IQGAP2: variants seen among roughly 807,000 people sequenced by gnomAD.
IQGAP2 encodes the protein IQ motif containing GTPase activating protein 2, also known as ras GTPase-activating-like protein IQGAP2.
IQGAP2 carries 173 observed loss-of-function variants against 201.3 expected under a neutral mutation model. The observed-to-expected ratio is 0.86, with a 90% CI of 0.76 to 0.98. The LOEUF (loss-of-function observed/expected upper bound fraction) is 0.98, where lower values mean the gene tolerates loss of function less well. Among genes scored for constraint, IQGAP2 ranks in the 50% least tolerant of loss-of-function variants. The pLI is 0.00. For missense variants in IQGAP2, 1,687 were observed against 1,864.8 expected, an observed-to-expected ratio of 0.90 and a Z score of 1.76; for synonymous variants, 675 against 673.9, an observed-to-expected ratio of 1.00 and a Z score of -0.03.
chr5:76,696,132 A>G (rs764282339), intron 32 of IQGAP2, among the ~76,000 whole-genome samples: 12 of 152,188 alleles, frequency 7.9e-5, no homozygotes, highest in African/African-American at 1.7e-4. Context: ...CAATCACAAC[A>G]CTTTCATGTC....
Position 76,707,812 on chromosome 5 carries a change from A to G in IQGAP2, c.*499A>G, listed in dbSNP as rs573990468. On this transcript the variant is annotated 3_prime_UTR_variant, in exon 36 of 36. Coordinates refer to ENST00000274364, the MANE Select transcript of IQGAP2 (RefSeq NM_006633.5). The stretch of plus-strand genomic sequence containing the variant: ...TAAAGAGAACTTTTGTGCAATTCAA[A>G]TGAAGTTTTTATAAGTAATTGAAAA... The G allele has an allele frequency of 6.5e-6, 1 of 152,894 alleles. No individual in the cohort carries two copies. Among genetic ancestry groups the G allele is most frequent in the South Asian group, 2.1e-4 (1 of 4,836 alleles). The allele number at this position is 152,894 out of a possible 1,614,324, so 9.5% of individuals were successfully genotyped here. A position where few individuals can be genotyped will look rare whatever the true frequency, so the allele number is the denominator to read the frequency against.
chr5:76,530,404 T>C (rs934982443), intron 2 of IQGAP2, among the ~76,000 whole-genome samples: 3 of 152,228 alleles, frequency 2.0e-5, no homozygotes, highest in Non-Finnish European at 4.4e-5. Context: ...CAGCGTTTTC[T>C]TGGCAACTGA....
chr5:76,561,806 T>A (rs571710306), intron 2 of IQGAP2, among the ~76,000 whole-genome samples: 2 of 152,322 alleles, frequency 1.3e-5, no homozygotes, highest in South Asian at 4.1e-4. Context: ...GTACGGTGTC[T>A]TCCCAAAAAA....
At chr5:76,674,127 T>A in intron 26 of IQGAP2, 91 bp downstream of exon 26, 2 of 742,998 alleles carry the variant, frequency 2.7e-6, no homozygotes, top group Non-Finnish European at 2.4e-6. Context: ...ATTCCCCATG[T>A]ATGATTATTT....
chr5:76,536,524 C>T (rs1176110071), intron 2 of IQGAP2, among the ~76,000 whole-genome samples: 1 of 151,778 alleles, frequency 6.6e-6, no homozygotes, highest in Non-Finnish European at 1.5e-5. Flanking sequence ...CTTTGGGAGG[C>T]CAAGGTGGGT....
At chr5:76,492,233 A>G (rs1257837831) in intron 2 of IQGAP2, among the ~76,000 whole-genome samples, 1 of 152,192 alleles carries the variant, frequency 6.6e-6, no homozygotes, top group Non-Finnish European at 1.5e-5. Flanking sequence ...TGCTAGGCAG[A>G]GGAGTTGTGA....
At chr5:76,417,739 C>G (rs544747808) in intron 1 of IQGAP2, among the ~76,000 whole-genome samples, 1 of 151,790 alleles carries the variant, frequency 6.6e-6, no homozygotes, top group African/African-American at 2.4e-5. Flanking sequence ...TGCCACTATG[C>G]CCAGCTAATT....
At chr5:76,538,992 G>A (rs1433125429) in intron 2 of IQGAP2, among the ~76,000 whole-genome samples, 2 of 152,194 alleles carry the variant, frequency 1.3e-5, no homozygotes, top group Non-Finnish European at 2.9e-5. Context: ...CTCTCTTGGG[G>A]CTGTGTTTGG....
intron 1 of IQGAP2, among the ~76,000 whole-genome samples, chr5:76,421,286 T>G (rs1325888175): frequency 6.6e-6 from 1 of 152,094 alleles, no homozygotes; most frequent in East Asian, 1.9e-4. Flanking sequence ...ATTCATCTTT[T>G]CTTCACACGA....
intron 13 of IQGAP2, among the ~76,000 whole-genome samples, chr5:76,626,243 A>G (rs1407991723): frequency 7.4e-6 from 1 of 134,612 alleles, no homozygotes; most frequent in Non-Finnish European, 1.6e-5. Context: ...ATTGTATTAT[A>G]ATTCTTTTTC....
chr5:76,575,298 A>G (rs1745394698), intron 4 of IQGAP2, among the ~76,000 whole-genome samples: 1 of 152,190 alleles, frequency 6.6e-6, no homozygotes, highest in Non-Finnish European at 1.5e-5. Context: ...TAACAATGCA[A>G]TAAAGTGGCT....
In IQGAP2 at chr5:76,510,563, A is replaced by G. The variant is rs897925450; in HGVS notation, c.146+48894A>G. 6.5e-6 allele frequency: 3 copies of G among 460,562 alleles called. No individual in the cohort carries two copies. The Admixed American group carries it at 7.1e-5, about 11-fold the overall frequency. The allele number at this position is 460,562 out of a possible 1,614,324, so 28.5% of individuals were successfully genotyped here. A position where few individuals can be genotyped will look rare whatever the true frequency, so the allele number is the denominator to read the frequency against. ...GGACCCCGCCAAGGTATAGAGTCTC[A>G]TGGACACGATCTGGAAGGACCCAGA... On this transcript the variant is annotated intron_variant, in intron 2 of 35. Coordinates refer to ENST00000274364, the MANE Select transcript of IQGAP2 (RefSeq NM_006633.5).
chr5:76,628,477 TA>T (rs1725049193), intron 14 of IQGAP2, among the ~76,000 whole-genome samples: 2 of 152,232 alleles, frequency 1.3e-5, no homozygotes, highest in Non-Finnish European at 1.5e-5. Flanking sequence ...TAAAATTGTT[TA>T]ACCCTCTGTT....
Position 76,574,993 on chromosome 5 carries a change from A to G in IQGAP2, c.382-700A>G, listed in dbSNP as rs373751388. 1.3e-4 allele frequency among the ~76,000 whole-genome samples: 20 copies of G among 152,346 alleles called. No individual in the cohort carries two copies. In the East Asian group the frequency reaches 3.7e-3, roughly 28 times the overall value. On this transcript the variant is annotated intron_variant, in intron 4 of 35. Coordinates refer to ENST00000274364, the MANE Select transcript of IQGAP2 (RefSeq NM_006633.5). ...GGGATGGGAAATAATTGTGTTCTGT[A>G]AAGTGTTTTAAACAGGTTACACTAA...
chr5:76,672,156 A>G (rs1395257676), intron 24 of IQGAP2, among the ~76,000 whole-genome samples, 173 bp downstream of exon 24: 1 of 152,164 alleles, frequency 6.6e-6, no homozygotes, highest in Non-Finnish European at 1.5e-5. Context: ...ACTAAATGGT[A>G]TTTTCACATT....
intron 29 of IQGAP2, 124 bp from the exon 30 acceptor site, chr5:76,683,652 A>G (rs2150515365): frequency 1.2e-6 from 1 of 839,214 alleles, no homozygotes; most frequent in Non-Finnish European, 1.7e-6. Context: ...TGGGTTTTGT[A>G]AAGACCATGA....
In IQGAP2 at chr5:76,496,675, G is replaced by A. The variant is rs183302303; in HGVS notation, c.146+35006G>A. On this transcript the variant is annotated intron_variant, in intron 2 of 35. Coordinates refer to ENST00000274364, the MANE Select transcript of IQGAP2 (RefSeq NM_006633.5). ...TGTGTTTCAAACAGTAGAGGAAAAC[G>A]TACCAAATATTTTTCTTTCTTTCTG... Among the ~76,000 whole-genome samples, 5 of 151,932 alleles carry A rather than the reference G, an allele frequency of 3.3e-5. No homozygotes were observed. The East Asian group carries it at 9.7e-4, about 29-fold the overall frequency.
Position 76,575,776 on chromosome 5 carries a change from G to A in IQGAP2, c.458+7G>A. 3.3e-6 allele frequency: 5 copies of A among 1,510,654 alleles called. No individual in the cohort carries two copies. Among genetic ancestry groups the A allele is most frequent in the Non-Finnish European group, 4.5e-6 (5 of 1,111,904 alleles). 93.6% of individuals were successfully genotyped at this position (1,510,654 alleles called of 1,614,324 possible). On this transcript the variant is annotated splice_region_variant and intron_variant, in intron 5 of 35. Coordinates refer to ENST00000274364, the MANE Select transcript of IQGAP2 (RefSeq NM_006633.5). ...ATTGCATTCACGCACTGAGGTAGGG[G>A]GAAAATGCAGCTAAAAGGTGCTCTA...
At chr5:76,699,527 G>GCAGCCA (rs1747071679) in intron 33 of IQGAP2, 1 of 151,380 alleles carries the variant, frequency 6.6e-6, no homozygotes, top group Non-Finnish European at 1.5e-5. Flanking sequence ...ATAAAGGGAT[G>GCAGCCA]CAGCCACATT....
Sources: allele counts gnomAD v4.1 joint callset (sites outside exome capture counted in the v4.1 genomes callset), GRCh38; gene constraint gnomAD v4.1.1; transcripts MANE v1.5; gene names NCBI Gene and HGNC (gene_info 2026-07-23, HGNC 2026-07-21).